Variants in RGL3 observed in about 807,000 individuals in gnomAD.
RGL3 encodes the protein ral guanine nucleotide dissociation stimulator-like 3.
RGL3 carries 85 observed loss-of-function variants against 90.6 expected under a neutral mutation model. That is an observed-to-expected ratio of 0.94 (90% CI 0.79 to 1.12). The LOEUF is 1.12. Among genes scored for constraint, RGL3 ranks in the 50% most tolerant of loss-of-function variants. The pLI is 0.00. For missense variants in RGL3, 1,034 were observed against 939.2 expected (o/e 1.10, Z -1.32); for synonymous variants, 408 against 385.5 (o/e 1.06, Z -0.68).
chr19:11,406,766 A>C lies in RGL3; in HGVS notation c.736T>G (p.Phe246Val), dbSNP rs754010626. The C allele has an allele frequency of 3.1e-6, 5 of 1,613,958 alleles. No homozygotes were observed. Among genetic ancestry groups the C allele is most frequent in the Non-Finnish European group, 4.2e-6 (5 of 1,180,040 alleles). The change falls in exon 6 of 19, where the codon TTC (phenylalanine) becomes GTC (valine). Residue 246 changes from phenylalanine (F) to valine (V), a missense_variant. By Grantham distance (50) the Phe-to-Val change is conservative. Transcript: ENST00000380456. ...TGCTCGGCCACCTCGTCCACGCTGA[A>C]GTCCAGGAGCTGGGGACCTTGAGGC... The part of the protein sequence containing the change: ...LMPQGPQLLD[F>V]SVDEVAEQLT...
chr19:11,396,533 T>C (rs1282598651), intron 18 of RGL3, among the ~76,000 whole-genome samples: 1 of 151,646 alleles, frequency 6.6e-6, no homozygotes, highest in East Asian at 1.9e-4. Context: ...CTCAAACTCC[T>C]GAGCTCAGAC....
Position 11,406,438 on chromosome 19 carries a change from T to C in RGL3, c.977A>G (p.Lys326Arg), listed in dbSNP as rs1212686972. The change falls in exon 7 of 19, where the codon AAG (lysine) becomes AGG (arginine). Residue 326 changes from lysine (K) to arginine (R), a missense_variant. Transcript: ENST00000380456. ...AAPQRAQRLE[K>R]WIRIAQRCRE... is the part of the protein sequence containing the mutation. ...ACACACCTGGGCGATGCGGATCCAC[T>C]TCTCCAGCCGCTGCGCCCTCTGCGG... 9 of 1,540,960 alleles carry C rather than the reference T, an allele frequency of 5.8e-6. No homozygotes were observed. The Admixed American group carries it at 1.8e-4, about 30-fold the overall frequency.
chr19:11,398,349 T>C (rs2144717121), intron 16 of RGL3, among the ~76,000 whole-genome samples: 1 of 152,172 alleles, frequency 6.6e-6, no homozygotes, highest in South Asian at 2.1e-4. Flanking sequence ...TTTCTTTTTC[T>C]TTTCTTTTTT....
intron 13 of RGL3, among the ~76,000 whole-genome samples, chr19:11,400,815 A>C (rs1019637683): frequency 2.6e-5 from 4 of 151,792 alleles, no homozygotes; most frequent in Non-Finnish European, 4.4e-5. Flanking sequence ...AGATCACTCC[A>C]CTGCACTCCA....
intron 1 of RGL3, 42 bp from the exon 2 acceptor site, chr19:11,418,826 T>A: frequency 6.8e-7 from 1 of 1,471,318 alleles, no homozygotes; most frequent in Non-Finnish European, 9.1e-7. Context: ...GGGGCACAGG[T>A]CCTGGGGCCT....
intron 1 of RGL3, 144 bp downstream of exon 1, chr19:11,419,101 TG>T: frequency 2.3e-6 from 2 of 861,286 alleles, no homozygotes; most frequent in Non-Finnish European, 3.5e-6. Context: ...GTCGCTTCAC[TG>T]GGTCAAGGGC....
intron 5 of RGL3, 86 bp from the exon 6 acceptor site, chr19:11,406,950 G>A: frequency 3.7e-6 from 5 of 1,341,374 alleles, no homozygotes; most frequent in Non-Finnish European, 5.1e-6. Context: ...CCCTCTCTGA[G>A]GCTCACTTTC....
At position 11,397,456 on chromosome 19, in the gene RGL3, G is replaced by C. The variant is rs201152952; in HGVS notation, c.1888C>G (p.Arg630Gly). Residue 630 changes from arginine to glycine, a missense_variant, in exon 17 of 19, where the codon CGA becomes GGA. Transcript: ENST00000380456. ...GCCCAGCCCCTCACCAAGATGCTTC[G>C]ATACAGGTTCCCGTGGTCATTGTCG... ...SIDNDHGNLY[R>G]SILLTSQDKA... is the part of the protein sequence containing the mutation. 6 of 1,609,126 alleles carry C rather than the reference G, an allele frequency of 3.7e-6. No individual in the cohort carries two copies. Among genetic ancestry groups the C allele is most frequent in the Non-Finnish European group, 5.1e-6 (6 of 1,176,856 alleles).
chr19:11,395,255 G>T (rs1399731586), intron 18 of RGL3, among the ~76,000 whole-genome samples: 3 of 150,750 alleles, frequency 2.0e-5, no homozygotes, highest in Non-Finnish European at 4.4e-5. Context: ...CCATGAACTT[G>T]AATAACTTCC....
Position 11,395,308 on chromosome 19 carries a change from T to C in RGL3, c.2015-788A>G, listed in dbSNP as rs1200432419. Among the ~76,000 whole-genome samples the C allele has an allele frequency of 2.6e-5, 4 of 152,108 alleles. No individual in the cohort carries two copies. The South Asian group carries it at 6.2e-4, about 24-fold the overall frequency. On this transcript the variant is annotated intron_variant, in intron 18 of 18. Coordinates refer to ENST00000380456, the MANE Select transcript of RGL3 (RefSeq NM_001035223.4). ...AGCTTGTGGCCTCACACTCAACACC[T>C]GAACAACCACAAGCATCCTTTCCTA... is the stretch of plus-strand genomic sequence containing the variant.
Position 11,406,430 on chromosome 19 carries a change from G to A in RGL3, c.985C>T (p.Arg329Cys), listed in dbSNP as rs201239026. ...QRAQRLEKWI[R>C]IAQRCRELRN... ...CGCCCGCAACACACCTGGGCGATGCGGATCCACTTCTCCAGCCGCTGCGCC... is the reference window on the plus strand; with the variant it reads ...CGCCCGCAACACACCTGGGCGATGCAGATCCACTTCTCCAGCCGCTGCGCC... The change falls in exon 7 of 19, where the codon CGC (arginine) becomes TGC (cysteine). Residue 329 changes from arginine (R) to cysteine (C), a missense_variant. By Grantham distance (180) the Arg-to-Cys change is radical (BLOSUM62 -3). Coordinates refer to ENST00000380456, the MANE Select transcript of RGL3 (RefSeq NM_001035223.4). 1 of 1,538,616 alleles carries A rather than the reference G, an allele frequency of 6.5e-7. No homozygotes were observed. The highest frequency in any genetic ancestry group is 1.4e-5 in the African/African-American group (1 of 73,236).
At chr19:11,409,075 A>G (rs1181667261) in intron 5 of RGL3, among the ~76,000 whole-genome samples, 2 of 151,990 alleles carry the variant, frequency 1.3e-5, no homozygotes, top group African/African-American at 4.8e-5. Context: ...TCGGGAGGCT[A>G]AGGCTAGAGA....
chr19:11,410,126 T>G (rs116376144), intron 5 of RGL3, among the ~76,000 whole-genome samples: 1 of 148,898 alleles, frequency 6.7e-6, no homozygotes, highest in East Asian at 1.9e-4. Context: ...ATATATATAT[T>G]TTTTTATTAT....
At chr19:11,416,581 C>A (rs1330377762) in intron 4 of RGL3, 33 bp downstream of exon 4, 1 of 1,606,142 alleles carries the variant, frequency 6.2e-7, no homozygotes, top group African/African-American at 1.3e-5. Context: ...GGATTTCCCT[C>A]CCCGCACTCC....
chr19:11,406,548 G>A lies in RGL3; in HGVS notation c.867C>T (p.Pro289=). ...ACTGGGCCACGGTGGCGCGCACAGTGGGGGAGGCGCCTGCAGCCCCCGGCC... is the reference window on the plus strand; with the variant it reads ...ACTGGGCCACGGTGGCGCGCACAGTAGGGGAGGCGCCTGCAGCCCCCGGCC... ...RDRPGAAGAS[P]TVRATVAQFN... The change falls in exon 7 of 19, where the codon CCC becomes CCT. Residue 289 remains proline, a synonymous_variant. Transcript: ENST00000380456. The A allele has an allele frequency of 6.5e-7, 1 of 1,550,028 alleles. No individual in the cohort carries two copies. Among genetic ancestry groups the A allele is most frequent in the South Asian group, 1.2e-5 (1 of 84,168 alleles).
chr19:11,402,142 G>T lies in RGL3; in HGVS notation c.1363-10C>A. 1.2e-6 allele frequency: 2 copies of T among 1,610,924 alleles called. No individual in the cohort carries two copies. The highest frequency in any genetic ancestry group is 2.2e-5 in the South Asian group (2 of 90,696). On this transcript the variant is annotated splice_polypyrimidine_tract_variant and intron_variant, in intron 12 of 18. Coordinates refer to ENST00000380456, the MANE Select transcript of RGL3 (RefSeq NM_001035223.4). ...CCAGGATCTCCCACTCCTGGAGGAC[G>T]AGCCTCTAAGACCCTACCCCTGCCC...
chr19:11,412,945 G>A (rs1045023685), intron 5 of RGL3, among the ~76,000 whole-genome samples: 2 of 151,972 alleles, frequency 1.3e-5, no homozygotes, highest in Non-Finnish European at 2.9e-5. Flanking sequence ...CAGCCTAGGC[G>A]ACAGAGCGAG....
chr19:11,408,358 G>A (rs1968817251), intron 5 of RGL3, among the ~76,000 whole-genome samples: 1 of 151,902 alleles, frequency 6.6e-6, no homozygotes, highest in South Asian at 2.1e-4. Flanking sequence ...GAGGCGGGTG[G>A]ATCACCTGAG....
Position 11,419,272 on chromosome 19 carries a change from G to A in RGL3, c.7C>T (p.Arg3Cys). Residue 3 changes from arginine (R) to cysteine (C), a missense_variant, in exon 1 of 19, where the codon CGC (arginine) becomes TGC (cysteine). Physicochemically the swap from Arg to Cys is radical, Grantham distance 180. Transcript: ENST00000380456. ME[R>C]TAGKELALAP... ...AGGGCCAGCTCTTTGCCTGCTGTGC[G>A]CTCCATGGCCGGCGCCCGTCCCTCT... 1 of 1,583,590 alleles carries A rather than the reference G, an allele frequency of 6.3e-7. No homozygotes were observed. The highest frequency in any genetic ancestry group is 8.6e-7 in the Non-Finnish European group (1 of 1,166,860).
Sources: allele counts gnomAD v4.1 joint callset (sites outside exome capture counted in the v4.1 genomes callset), GRCh38; gene constraint gnomAD v4.1.1; transcripts MANE v1.5; gene names NCBI Gene and HGNC (gene_info 2026-07-23, HGNC 2026-07-21).